The following LAMB3 variants were observed in gnomAD, a reference collection of about 807,000 sequenced individuals.
LAMB3 encodes laminin subunit beta-3.
LAMB3 carries 104 observed loss-of-function variants against 140.3 expected under a neutral mutation model. The ratio of observed to expected loss-of-function variants is 0.74; its 90% CI spans 0.63 to 0.87. The LOEUF is 0.87. LAMB3 is among the 40% of genes least tolerant of loss of function. The pLI is 0.00. For missense variants in LAMB3, 1,531 were observed against 1,575.2 expected, an observed-to-expected ratio of 0.97 and a Z score of 0.47; for synonymous variants, 592 against 602.9, an observed-to-expected ratio of 0.98 and a Z score of 0.26.
chr1:209,623,535 C>T lies in LAMB3; in HGVS notation c.2328G>A (p.Ser776=), dbSNP rs139058862. 31 of 1,614,108 alleles carry T rather than the reference C, an allele frequency of 1.9e-5. No homozygotes were observed. Among genetic ancestry groups the T allele is most frequent in the African/African-American group, 5.3e-5 (4 of 74,932 alleles). Residue 776 remains serine (S), a synonymous_variant, in exon 16 of 23, where the codon TCG becomes TCA. Transcript: ENST00000356082. The surrounding 1 kb of genome is among the most constrained non-coding windows in gnomAD (Gnocchi z 4.2). ...TGAAGGTGGGTGTCAGGTCAGGCAACGAAGACATCTCCAGCCTCAGGGCCA... is the reference window on the plus strand; with the variant it reads ...TGAAGGTGGGTGTCAGGTCAGGCAATGAAGACATCTCCAGCCTCAGGGCCA... ...KLVALRLEMS[S]LPDLTPTFNK... is the part of the protein sequence containing the mutation.
Position 209,629,854 on chromosome 1 carries a change from A to G in LAMB3, c.1015T>C (p.Tyr339His), listed in dbSNP as rs52814161. 0.014 allele frequency: 22,225 copies of G among 1,614,086 alleles called. 199 individuals carry two copies. Among genetic ancestry groups the G allele is most frequent in the Middle Eastern group, 0.021 (130 of 6,060 alleles). Residue 339 changes from tyrosine to histidine, a missense_variant, in exon 10 of 23, where the codon TAT becomes CAT. Transcript: ENST00000356082. ...CGGCAATTGTCACACACACCTCCATATGCCCCCTGGCTGGCGGCAAACACA... is the reference window on the plus strand; with the variant it reads ...CGGCAATTGTCACACACACCTCCATGTGCCCCCTGGCTGGCGGCAAACACA... ...PAVFAASQGA[Y>H]GGVCDNCRDH...
chr1:209,640,460 A>T (rs1358837591), intron 3 of LAMB3, among the ~76,000 whole-genome samples: 1 of 152,002 alleles, frequency 6.6e-6, no homozygotes, highest in Non-Finnish European at 1.5e-5. Flanking sequence ...GGGCAAGAGA[A>T]TCGCTTGAAC....
chr1:209,623,919 G>C lies in LAMB3; in HGVS notation c.2058C>G (p.Asp686Glu). 1 of 1,614,098 alleles carries C rather than the reference G, an allele frequency of 6.2e-7. No individual in the cohort carries two copies. The highest frequency in any genetic ancestry group is 8.5e-7 in the Non-Finnish European group (1 of 1,179,960). The change falls in exon 15 of 23, where the codon GAC (aspartate) becomes GAG (glutamate). Residue 686 changes from aspartate to glutamate, a missense_variant. By Grantham distance (45) the Asp-to-Glu change is conservative. Coordinates refer to ENST00000356082, the MANE Select transcript of LAMB3 (RefSeq NM_000228.3). This position sits in a 1 kb window ranked among gnomAD's most constrained non-coding sequence, Gnocchi z 4.2. ...LSLPRDLESLDRSFNGLLTMY... is the reference protein window; with the variant it reads ...LSLPRDLESLERSFNGLLTMY... ...TAGTAAGGAGACCATTGAAGCTTCT[G>C]TCAAGACTCTCCAGGTCTCTCGGAA...
At chr1:209,617,852 C>T in intron 20 of LAMB3, 55 bp downstream of exon 20, 2 of 1,610,278 alleles carry the variant, frequency 1.2e-6, no homozygotes, top group Non-Finnish European at 1.7e-6. Flanking sequence ...ATGCCTGGTG[C>T]CCAAATTTTC....
At chr1:209,621,731 G>A (rs945090715) in intron 18 of LAMB3, among the ~76,000 whole-genome samples, 3 of 152,146 alleles carry the variant, frequency 2.0e-5, no homozygotes, top group Non-Finnish European at 2.9e-5. Flanking sequence ...AGTCTCCCGG[G>A]TCCTGTTTAG....
chr1:209,641,840 T>G (rs2076471583), intron 3 of LAMB3, among the ~76,000 whole-genome samples: 2 of 152,336 alleles, frequency 1.3e-5, no homozygotes, highest in African/African-American at 4.8e-5. Flanking sequence ...TCCCTGGCAG[T>G]GAGCATGCCC....
rs934138437 is a variant in LAMB3 at position 209,623,321 on chromosome 1, G to A, written c.2359-142C>T. On this transcript the variant is annotated intron_variant, in intron 16 of 22. Coordinates refer to ENST00000356082, the MANE Select transcript of LAMB3 (RefSeq NM_000228.3). This position sits in a 1 kb window ranked among gnomAD's most constrained non-coding sequence, Gnocchi z 4.2. ...GCCAGACATCTCCATGAGAGCTAAG[G>A]ACCAGAAACTGGTTTCCTTGGCAAC... is the stretch of plus-strand genomic sequence containing the variant. 9.7e-7 allele frequency: 1 copy of A among 1,035,446 alleles called. No individual in the cohort carries two copies. Among genetic ancestry groups the A allele is most frequent in the Non-Finnish European group, 1.5e-6 (1 of 674,956 alleles). 64.1% of individuals were successfully genotyped at this position (1,035,446 alleles called of 1,614,324 possible).
intron 22 of LAMB3, among the ~76,000 whole-genome samples, 163 bp from the exon 23 acceptor site, chr1:209,615,570 C>T (rs1199784135): frequency 6.6e-6 from 1 of 152,198 alleles, no homozygotes; most frequent in Non-Finnish European, 1.5e-5. Context: ...AGCTTCATGC[C>T]TCTCCAGCCC....
At chr1:209,651,294 G>A (rs985244579) in intron 1 of LAMB3, 13 of 354,698 alleles carry the variant, frequency 3.7e-5, no homozygotes, top group Non-Finnish European at 3.8e-5. Flanking sequence ...TAAGGACAAC[G>A]TGGGGAGCAG....
At position 209,623,636 on chromosome 1, in the gene LAMB3, T is replaced by C; in HGVS notation, c.2227A>G (p.Arg743Gly). The change falls in exon 16 of 23, where the codon AGG becomes GGG. Residue 743 changes from arginine (R) to glycine (G), a missense_variant. Transcript: ENST00000356082. This position sits in a 1 kb window ranked among gnomAD's most constrained non-coding sequence, Gnocchi z 4.2. ...SDSSRLLDQLRDSRREAERLV... is the reference protein window; with the variant it reads ...SDSSRLLDQLGDSRREAERLV... ...CTCTCTGCCTCTCTCCGGCTGTCCC[T>C]GAGCTGGTCCAAAAGGCGCGAGCTG... The C allele has an allele frequency of 6.2e-7, 1 of 1,613,980 alleles. No individual in the cohort carries two copies. Among genetic ancestry groups the C allele is most frequent in the East Asian group, 2.2e-5 (1 of 44,864 alleles).
Position 209,630,646 on chromosome 1 carries a change from C to G in LAMB3, c.912G>C (p.Pro304=). The G allele has an allele frequency of 6.2e-7, 1 of 1,614,130 alleles. No individual in the cohort carries two copies. The highest frequency in any genetic ancestry group is 8.5e-7 in the Non-Finnish European group (1 of 1,180,026). The change falls in exon 9 of 23, where the codon CCG becomes CCC. Residue 304 remains proline (P), a synonymous_variant. Transcript: ENST00000356082. ...ATTCATGGGCGTCCTGGCCCTCCGC[C>G]GGTCTCCAGGGCCGGTTGTTGTAGA... is the stretch of plus-strand genomic sequence containing the variant. ...APFYNNRPWR[P]AEGQDAHECQ...
In LAMB3 at chr1:209,625,797, C is replaced by T. The variant is rs1265138781; in HGVS notation, c.1827G>A (p.Leu609=). 5 of 1,614,190 alleles carry T rather than the reference C, an allele frequency of 3.1e-6. No individual in the cohort carries two copies. Among genetic ancestry groups the T allele is most frequent in the Non-Finnish European group, 4.2e-6 (5 of 1,180,036 alleles). Residue 609 remains leucine (L), a synonymous_variant, in exon 14 of 23, where the codon CTG becomes CTA. Transcript: ENST00000356082. ...GGTCCTCCAGCCCAGGCCCTGACCA[C>T]AGGCTGGCGGTGGCATTGCGGAGTC... is the stretch of plus-strand genomic sequence containing the variant. ...FGRLRNATAS[L]WSGPGLEDRG...
chr1:209,623,721 G>A lies in LAMB3; in HGVS notation c.2142C>T (p.Ala714=). 6.2e-7 allele frequency: 1 copy of A among 1,614,026 alleles called. No individual in the cohort carries two copies. The highest frequency in any genetic ancestry group is 8.5e-7 in the Non-Finnish European group (1 of 1,180,028). The change falls in exon 16 of 23, where the codon GCC becomes GCT. Residue 714 remains alanine (A), a synonymous_variant. Transcript: ENST00000356082. The surrounding 1 kb of genome is among the most constrained non-coding windows in gnomAD (Gnocchi z 4.2). ...EKISSADPSG[A]FRMLSTAYEQ... ...CGTAGGCTGTGCTCAGCATCCGGAA[G>A]GCTCCTGTGGCGAGAAGCATGAGGA...
At chr1:209,647,320 G>A (rs2076526937) in intron 3 of LAMB3, among the ~76,000 whole-genome samples, 1 of 152,238 alleles carries the variant, frequency 6.6e-6, no homozygotes, top group South Asian at 2.1e-4. Context: ...AACTAGGAGA[G>A]ACAATTTTGG....
At chr1:209,616,033 C>T (rs1290737391) in intron 22 of LAMB3, among the ~76,000 whole-genome samples, 1 of 152,122 alleles carries the variant, frequency 6.6e-6, no homozygotes, top group East Asian at 1.9e-4. Flanking sequence ...ACAGCTTCTC[C>T]CAGGCCTACA....
chr1:209,625,558 C>G lies in LAMB3; in HGVS notation c.1976+90G>C, dbSNP rs2102419761. 2.1e-5 allele frequency: 32 copies of G among 1,489,592 alleles called. No individual in the cohort carries two copies. The South Asian group carries it at 3.3e-4, about 15-fold the overall frequency. The allele number at this position is 1,489,592 out of a possible 1,614,324, so 92.3% of individuals were successfully genotyped here. On this transcript the variant is annotated intron_variant, in intron 14 of 22. Coordinates refer to ENST00000356082, the MANE Select transcript of LAMB3 (RefSeq NM_000228.3). The stretch of plus-strand genomic sequence containing the variant: ...GAAAATGCCTTTAAACTGTAATGCA[C>G]TGTACAAATGTAAGGAAGGACCAGC...
Position 209,632,770 on chromosome 1 carries a change from C to G in LAMB3, c.635G>C (p.Gly212Ala), listed in dbSNP as rs767543203. 2.5e-6 allele frequency: 4 copies of G among 1,614,126 alleles called. No individual in the cohort carries two copies. The highest frequency in any genetic ancestry group is 1.3e-5 in the African/African-American group (1 of 75,040). Residue 212 changes from glycine to alanine, a missense_variant, in exon 8 of 23, where the codon GGG (glycine) becomes GCG (alanine). Coordinates refer to ENST00000356082, the MANE Select transcript of LAMB3 (RefSeq NM_000228.3). Reference protein sequence around the residue: ...ATQSQKIQEVGEITNLRVNFT... With the variant: ...ATQSQKIQEVAEITNLRVNFT... ...ATTGACTCTCAAGTTTGTGATCTCC[C>G]CCACCTCTGAGAGGGCCAAACAGCA...
intron 5 of LAMB3, among the ~76,000 whole-genome samples, chr1:209,635,673 G>A (rs746663067): frequency 2.0e-5 from 3 of 152,120 alleles, no homozygotes. Flanking sequence ...AACGTGCTGA[G>A]ATTGCAGGTG....
At chr1:209,629,679 A>G in intron 10 of LAMB3, 58 bp downstream of exon 10, 1 of 1,526,810 alleles carries the variant, frequency 6.5e-7, no homozygotes, top group Non-Finnish European at 9.1e-7. Context: ...TATTGTACCC[A>G]GAGGAGATGG....
Sources: gnomAD v4.1 joint callset for allele counts (sites outside exome capture counted in the v4.1 genomes callset) on GRCh38, gnomAD v4.1.1 for gene constraint, Gnocchi (gnomAD v3.1) non-coding constraint, MANE v1.5 for transcripts, NCBI Gene and HGNC (gene_info 2026-07-23, HGNC 2026-07-21) for gene names.